PPARGC1A: variants seen among roughly 807,000 people sequenced by gnomAD.
The protein encoded by PPARGC1A is peroxisome proliferator-activated receptor gamma coactivator 1-alpha.
Under a neutral mutation model 88.7 loss-of-function variants are expected in PPARGC1A, and 25 were observed. The ratio of observed to expected loss-of-function variants is 0.28; its 90% CI spans 0.21 to 0.39. The LOEUF is 0.39. Ranked by LOEUF, PPARGC1A falls within the 10% of genes least tolerant of loss-of-function variation. The pLI is 1.00. For missense variants in PPARGC1A, 880 were observed against 968.7 expected (o/e 0.91, Z 1.22); for synonymous variants, 363 against 355.6 (o/e 1.02, Z -0.24).
At chr4:23,905,435 C>G (rs1719920450), upstream of PPARGC1A, among the ~76,000 whole-genome samples, 1 of 152,168 alleles carries the variant, frequency 6.6e-6, no homozygotes, top group South Asian at 2.1e-4. Context: ...CCATGGTGAC[C>G]TACAACTGTA....
chr4:23,988,859 TATA>T, the PPARGC1A span, among the ~76,000 whole-genome samples: 8 of 147,758 alleles, frequency 5.4e-5, no homozygotes, highest in East Asian at 9.8e-4. Flanking sequence ...GTATTTTTTA[TATA>T]ATATTTATAC....
At chr4:23,949,606 C>T in the PPARGC1A span, among the ~76,000 whole-genome samples, 2 of 152,162 alleles carry the variant, frequency 1.3e-5, no homozygotes, top group Admixed American at 1.3e-4. Flanking sequence ...AGTAAATAAA[C>T]TCCCAACCAT....
At chr4:24,296,377 A>G in the PPARGC1A span, among the ~76,000 whole-genome samples, 1 of 152,198 alleles carries the variant, frequency 6.6e-6, no homozygotes, top group African/African-American at 2.4e-5. Context: ...CTTCTCACAA[A>G]TGTACTTTGA....
chr4:24,122,667 C>T, the PPARGC1A span, among the ~76,000 whole-genome samples: 7 of 151,922 alleles, frequency 4.6e-5, no homozygotes, highest in Non-Finnish European at 1.0e-4. Context: ...ATGGGACATA[C>T]CAATTAGAGA....
At chr4:24,410,501 G>C in the PPARGC1A span, among the ~76,000 whole-genome samples, 1 of 152,164 alleles carries the variant, frequency 6.6e-6, no homozygotes, top group African/African-American at 2.4e-5. Context: ...ATTTATTAAT[G>C]CTTGTGATGT....
upstream of PPARGC1A, chr4:23,899,345 T>C (rs1719018097): frequency 1.3e-5 from 2 of 152,238 alleles, no homozygotes; most frequent in African/African-American, 4.8e-5. Flanking sequence ...TTATTTATTA[T>C]GTAAAACCAC....
At chr4:24,102,592 A>C in the PPARGC1A span, among the ~76,000 whole-genome samples, 1 of 152,216 alleles carries the variant, frequency 6.6e-6, no homozygotes. Context: ...GCAAAACTAC[A>C]TCTTCTTTTA....
At chr4:24,069,636 C>G in the PPARGC1A span, among the ~76,000 whole-genome samples, 1 of 152,100 alleles carries the variant, frequency 6.6e-6, no homozygotes, top group Non-Finnish European at 1.5e-5. Context: ...GAAGCCACTG[C>G]TAAAAGCATA....
chr4:23,804,583 A>G (rs1719421065), intron 10 of PPARGC1A, among the ~76,000 whole-genome samples: 1 of 152,210 alleles, frequency 6.6e-6, no homozygotes, highest in Non-Finnish European at 1.5e-5. Context: ...GGCTTCTCAT[A>G]ACTTTTAATG....
chr4:24,354,741 G>T, the PPARGC1A span, among the ~76,000 whole-genome samples: 44 of 152,014 alleles, frequency 2.9e-4, no homozygotes, highest in Non-Finnish European at 2.9e-5. Context: ...AAAAAAATTA[G>T]CCGGGCATGG....
At chr4:23,986,145 T>G in the PPARGC1A span, among the ~76,000 whole-genome samples, 1 of 152,168 alleles carries the variant, frequency 6.6e-6, no homozygotes, top group South Asian at 2.1e-4. Flanking sequence ...AGTGCCAACG[T>G]GAAAATTAGA....
intron 2 of PPARGC1A, among the ~76,000 whole-genome samples, chr4:23,835,331 G>T (rs535504935): frequency 5.3e-5 from 8 of 152,116 alleles, no homozygotes; most frequent in Admixed American, 3.3e-4. Flanking sequence ...AAATACAATG[G>T]CAAAAATATT....
At chr4:23,977,814 G>A in the PPARGC1A span, among the ~76,000 whole-genome samples, 1 of 152,148 alleles carries the variant, frequency 6.6e-6, no homozygotes, top group African/African-American at 2.4e-5. Context: ...CTACTTCGAC[G>A]ACTAAGATGG....
At chr4:24,084,092 G>A in the PPARGC1A span, among the ~76,000 whole-genome samples, 171 of 152,258 alleles carry the variant, frequency 1.1e-3, 1 homozygote, top group Middle Eastern at 3.4e-3. Flanking sequence ...TGTTAACCAC[G>A]CTCTTATCTG....
the PPARGC1A span, among the ~76,000 whole-genome samples, chr4:24,264,581 T>G: frequency 6.6e-6 from 1 of 152,206 alleles, no homozygotes; most frequent in Admixed American, 6.5e-5. Context: ...ATACATCACC[T>G]CTTAGGGTTT....
At chr4:24,431,938 G>C in the PPARGC1A span, among the ~76,000 whole-genome samples, 1 of 152,306 alleles carries the variant, frequency 6.6e-6, no homozygotes, top group East Asian at 1.9e-4. Flanking sequence ...CATTAGATTT[G>C]AAAATTAGGT....
chr4:24,130,410 C>G, the PPARGC1A span, among the ~76,000 whole-genome samples: 1 of 152,168 alleles, frequency 6.6e-6, no homozygotes, highest in African/African-American at 2.4e-5. Context: ...AAACAATGTT[C>G]CCATTTCTCC....
At chr4:23,939,472 A>C in the PPARGC1A span, among the ~76,000 whole-genome samples, 91 of 152,334 alleles carry the variant, frequency 6.0e-4, no homozygotes, top group African/African-American at 2.1e-3. Flanking sequence ...TTTTATTTCA[A>C]TATATTTTCC....
intron 12 of PPARGC1A, among the ~76,000 whole-genome samples, chr4:23,797,151 A>G (rs1009189150): frequency 6.6e-6 from 1 of 152,042 alleles, no homozygotes; most frequent in African/African-American, 2.4e-5. Flanking sequence ...AAGTTTTTTA[A>G]GGTAAGAGCA....
Sources: allele counts gnomAD v4.1 joint callset (sites outside exome capture counted in the v4.1 genomes callset), GRCh38; gene constraint gnomAD v4.1.1; transcripts MANE v1.5; gene names NCBI Gene and HGNC (gene_info 2026-07-23, HGNC 2026-07-21).